Variants in DACH1 observed in about 807,000 individuals in gnomAD.
DACH1 encodes dachshund homolog 1.
A neutral mutation model predicts 54.2 loss-of-function variants in DACH1; 12 were observed. The ratio of observed to expected loss-of-function variants is 0.22; its 90% CI spans 0.14 to 0.36. The LOEUF (loss-of-function observed/expected upper bound fraction) is 0.36. Ranked by LOEUF, DACH1 falls within the 10% of genes least tolerant of loss-of-function variation. The pLI is 1.00. For missense variants in DACH1, 805 were observed against 929.8 expected, an observed-to-expected ratio of 0.87 and a Z score of 1.75; for synonymous variants, 386 against 366.2, an observed-to-expected ratio of 1.05 and a Z score of -0.62.
chr13:71,458,932 T>A (rs1428604889), intron 10 of DACH1, among the ~76,000 whole-genome samples: 1 of 151,900 alleles, frequency 6.6e-6, no homozygotes, highest in African/African-American at 2.4e-5. Context: ...AGAAAGGATA[T>A]GTCTTTTGTT....
At chr13:71,709,597 G>T (rs1882614935) in intron 1 of DACH1, among the ~76,000 whole-genome samples, 2 of 152,162 alleles carry the variant, frequency 1.3e-5, no homozygotes, top group Non-Finnish European at 2.9e-5. Context: ...TTTAATAAGG[G>T]TGTGAAAAGG....
chr13:71,764,272 T>C (rs1292021120), intron 1 of DACH1, among the ~76,000 whole-genome samples: 4 of 152,152 alleles, frequency 2.6e-5, no homozygotes, highest in African/African-American at 9.7e-5. Flanking sequence ...TGACGGCATG[T>C]TCCTATAGTC....
At chr13:71,715,638 G>T (rs1024860103) in intron 1 of DACH1, among the ~76,000 whole-genome samples, 3 of 151,944 alleles carry the variant, frequency 2.0e-5, no homozygotes, top group Non-Finnish European at 4.4e-5. Context: ...TTCAATAGCT[G>T]TCTATTGGTG....
Position 71,649,687 on chromosome 13 carries a change from T to C in DACH1, c.965-18970A>G, listed in dbSNP as rs142163513. On this transcript the variant is annotated intron_variant, in intron 2 of 10. Coordinates refer to ENST00000613252, the MANE Select transcript of DACH1 (RefSeq NM_080759.6). ...TAATGGAAAGGAAAATAAACAAATA[T>C]TGCAAAAATCACAAAAAGATCCACA... Among the ~76,000 whole-genome samples, 279 of 152,278 alleles carry C rather than the reference T, an allele frequency of 1.8e-3. 2 individuals carry two copies. In the Middle Eastern group the frequency reaches 0.024, roughly 13 times the overall value.
chr13:71,519,883 G>GTGTATATATATA lies in DACH1; in HGVS notation c.1571-30736_1571-30735insTATATATATACA, dbSNP rs552808622. ...AGATGTTTGTGTCCAAACCAAAGTA[G>GTGTATATATATA]TATATATATATATATATATATATAT... On this transcript the variant is annotated intron_variant, in intron 6 of 10. Transcript: ENST00000613252. 3.2e-3 allele frequency among the ~76,000 whole-genome samples: 95 copies of GTGTATATATATA among 29,348 alleles called. 16 individuals carry two copies. Among genetic ancestry groups the GTGTATATATATA allele is most frequent in the Non-Finnish European group, 7.5e-3 (76 of 10,176 alleles). The allele number at this position is 29,348 out of a possible 152,430, so 19.3% of individuals were successfully genotyped here.
At chr13:71,847,079 C>A (rs953636662) in intron 1 of DACH1, among the ~76,000 whole-genome samples, 1 of 151,964 alleles carries the variant, frequency 6.6e-6, no homozygotes, top group Non-Finnish European at 1.5e-5. Context: ...AAAGACAAAA[C>A]CTCGGCCCTA....
At chr13:71,721,361 A>G (rs994876163) in intron 1 of DACH1, among the ~76,000 whole-genome samples, 1 of 152,100 alleles carries the variant, frequency 6.6e-6, no homozygotes, top group Non-Finnish European at 1.5e-5. Flanking sequence ...CCAACAATAC[A>G]ATTATAATTA....
At chr13:71,509,627 T>C (rs961460542) in intron 6 of DACH1, among the ~76,000 whole-genome samples, 204 of 152,244 alleles carry the variant, frequency 1.3e-3, no homozygotes, top group African/African-American at 4.8e-3. Context: ...ATATGGGTCC[T>C]AGAGCTGGTT....
At chr13:71,695,425 C>T (rs1415623307) in intron 1 of DACH1, among the ~76,000 whole-genome samples, 1 of 152,108 alleles carries the variant, frequency 6.6e-6, no homozygotes, top group African/African-American at 2.4e-5. Context: ...TGACACTAAG[C>T]TTTAAGTGAC....
chr13:71,647,337 A>T, intron 2 of DACH1, among the ~76,000 whole-genome samples: 1 of 152,232 alleles, frequency 6.6e-6, no homozygotes, highest in East Asian at 1.9e-4. Flanking sequence ...AGTTTTCACG[A>T]GCACAATTAC....
chr13:71,809,327 C>T (rs561495398), intron 1 of DACH1, among the ~76,000 whole-genome samples: 2 of 152,164 alleles, frequency 1.3e-5, no homozygotes, highest in Admixed American at 6.5e-5. Flanking sequence ...ATTGCCACTC[C>T]ACCTGACTAA....
At position 71,493,289 on chromosome 13, in the gene DACH1, G is replaced by A. The variant is rs117280588; in HGVS notation, c.1571-4141C>T. On this transcript the variant is annotated intron_variant, in intron 6 of 10. Coordinates refer to ENST00000613252, the MANE Select transcript of DACH1 (RefSeq NM_080759.6). The stretch of plus-strand genomic sequence containing the variant: ...TGACATGAGACAGCCCTGTGGAGAC[G>A]TACATGCAACAAGGGACTGAGGGCC... Among the ~76,000 whole-genome samples the A allele has an allele frequency of 2.0e-4, 30 of 152,164 alleles. No homozygotes were observed. The East Asian group carries it at 5.3e-3, about 27-fold the overall frequency.
intron 10 of DACH1, among the ~76,000 whole-genome samples, chr13:71,450,283 G>A (rs1340969198): frequency 2.7e-5 from 4 of 150,496 alleles, no homozygotes; most frequent in African/African-American, 9.8e-5. Context: ...GTCACATTTT[G>A]GTAATTCTCC....
intron 10 of DACH1, among the ~76,000 whole-genome samples, chr13:71,468,870 CATAAT>C (rs570373527): frequency 3.3e-4 from 50 of 152,202 alleles, no homozygotes; most frequent in African/African-American, 1.1e-3. Flanking sequence ...TGTCTATAAA[CATAAT>C]ATAGGCACAA....
At chr13:71,644,581 G>A (rs1019803434) in intron 2 of DACH1, among the ~76,000 whole-genome samples, 9 of 152,178 alleles carry the variant, frequency 5.9e-5, no homozygotes, top group Admixed American at 5.9e-4. Context: ...TCTTCCGCAA[G>A]AAAAGGGGAA....
At chr13:71,790,950 A>G (rs985367271) in intron 1 of DACH1, among the ~76,000 whole-genome samples, 2 of 152,210 alleles carry the variant, frequency 1.3e-5, no homozygotes, top group Non-Finnish European at 1.5e-5. Context: ...CATCAACAAC[A>G]TATGAACATT....
At chr13:71,741,006 T>C (rs79765619) in intron 1 of DACH1, among the ~76,000 whole-genome samples, 1 of 152,156 alleles carries the variant, frequency 6.6e-6, no homozygotes, top group African/African-American at 2.4e-5. Flanking sequence ...ATGGCCCACA[T>C]CAGCCCAGTA....
intron 1 of DACH1, among the ~76,000 whole-genome samples, chr13:71,797,088 T>C (rs747321708): frequency 5.3e-5 from 8 of 152,124 alleles, no homozygotes; most frequent in Non-Finnish European, 1.2e-4. Context: ...ATATTCTCCT[T>C]TCTCACTTTG....
chr13:71,586,970 G>C (rs1038564714), intron 3 of DACH1, among the ~76,000 whole-genome samples: 1 of 151,934 alleles, frequency 6.6e-6, no homozygotes, highest in Non-Finnish European at 1.5e-5. Context: ...TATCTGGAAA[G>C]CTTAAAACCT....
Sources: allele counts gnomAD v4.1 joint callset (sites outside exome capture counted in the v4.1 genomes callset), GRCh38; gene constraint gnomAD v4.1.1; transcripts MANE v1.5; gene names NCBI Gene and HGNC (gene_info 2026-07-23, HGNC 2026-07-21).